Variants in NTM observed in about 807,000 individuals in gnomAD.
The protein encoded by NTM is IgLON family member 2.
Under a neutral mutation model 42.1 loss-of-function variants are expected in NTM, and 13 were observed. That is an observed-to-expected ratio of 0.31 (90% confidence interval 0.20 to 0.49). The LOEUF is 0.49. Ranked by LOEUF, NTM falls within the 20% of genes least tolerant of loss-of-function variation. The pLI is 0.99. For missense variants in NTM, 373 were observed against 452.8 expected, an observed-to-expected ratio of 0.82 and a Z score of 1.60; for synonymous variants, 187 against 179.2, an observed-to-expected ratio of 1.04 and a Z score of -0.35.
At position 132,138,851 on chromosome 11, in the gene NTM, C is replaced by T. The variant is rs563888914; in HGVS notation, c.168-7431C>T. On this transcript the variant is annotated intron_variant, in intron 2 of 8. Transcript: ENST00000683400. ...GGGAGGGTGGGTCTTATTTATGAAG[C>T]CTGCTGATCATCTCTTCTAGAAACA... 2.2e-3 allele frequency among the ~76,000 whole-genome samples: 341 copies of T among 152,246 alleles called. 1 individual carries two copies. Among genetic ancestry groups the T allele is most frequent in the African/African-American group, 7.9e-3 (330 of 41,536 alleles).
chr11:132,227,506 G>T (rs2086563254), intron 4 of NTM, among the ~76,000 whole-genome samples: 1 of 152,054 alleles, frequency 6.6e-6, no homozygotes, highest in South Asian at 2.1e-4. Context: ...TTCCTCTAAA[G>T]TCCAATCTGC....
At chr11:131,976,131 CCTTCCTTCCTTCCTTCCTTCCTTCCTTT>C (rs2064323717) in intron 2 of NTM, among the ~76,000 whole-genome samples, 1 of 139,228 alleles carries the variant, frequency 7.2e-6, no homozygotes, top group African/African-American at 2.6e-5. Flanking sequence ...TTCCTTCCTT[CCTTCCTTCCTTCCTTCCTTCCTTCCTTT>C]CTTCCTTCCT....
At chr11:131,664,205 T>C (rs576279389) in intron 1 of NTM, among the ~76,000 whole-genome samples, 6 of 152,354 alleles carry the variant, frequency 3.9e-5, no homozygotes, top group African/African-American at 1.4e-4. Context: ...ATTTGCTGTG[T>C]GCCCTTGGGC....
intron 1 of NTM, among the ~76,000 whole-genome samples, chr11:131,509,574 CAT>C (rs2047973082): frequency 6.6e-6 from 1 of 152,200 alleles, no homozygotes; most frequent in South Asian, 2.1e-4. Context: ...GACAGGAAGA[CAT>C]AGAAGACCCA....
chr11:131,888,604 G>T (rs521152), intron 1 of NTM, among the ~76,000 whole-genome samples: 1 of 151,926 alleles, frequency 6.6e-6, no homozygotes, highest in Admixed American at 6.6e-5. Flanking sequence ...CTTCCTTGTC[G>T]CAGATGTAAA....
At chr11:132,299,137 T>TAC (rs1555078941) in intron 4 of NTM, among the ~76,000 whole-genome samples, 2 of 137,000 alleles carry the variant, frequency 1.5e-5, no homozygotes, top group Non-Finnish European at 3.2e-5. Flanking sequence ...CTACTGAAAA[T>TAC]AAAAAAAATT....
chr11:132,303,935 T>C (rs978928649), intron 4 of NTM, among the ~76,000 whole-genome samples: 5 of 152,136 alleles, frequency 3.3e-5, no homozygotes, highest in Admixed American at 3.3e-4. Context: ...GGTAACGTTA[T>C]TCTGATTGTG....
intron 1 of NTM, among the ~76,000 whole-genome samples, chr11:131,871,254 G>A (rs889134462): frequency 2.0e-5 from 3 of 152,164 alleles, no homozygotes; most frequent in Non-Finnish European, 2.9e-5. Flanking sequence ...GTGCTCAGTC[G>A]CCCAGCCCAG....
intron 4 of NTM, among the ~76,000 whole-genome samples, chr11:132,285,637 C>A (rs562085998): frequency 4.6e-5 from 7 of 152,292 alleles, no homozygotes; most frequent in East Asian, 3.9e-4. Context: ...ATATTCACAG[C>A]GGTTCCCCAG....
intron 1 of NTM, among the ~76,000 whole-genome samples, chr11:131,419,377 C>T (rs997146264): frequency 1.1e-4 from 17 of 152,178 alleles, no homozygotes; most frequent in African/African-American, 3.6e-4. Context: ...GATGAAATAA[C>T]GGAGAATAAG....
At chr11:132,155,454 C>T (rs1330488261) in intron 3 of NTM, among the ~76,000 whole-genome samples, 1 of 152,148 alleles carries the variant, frequency 6.6e-6, no homozygotes, top group Non-Finnish European at 1.5e-5. Flanking sequence ...GGAATGCACA[C>T]ATGTCCTGCC....
At position 131,911,353 on chromosome 11, in the gene NTM, G is replaced by A. The variant is rs137904404; in HGVS notation, c.83-211G>A. ...GTCTGCGCGCTTTTCTCCTCCCCGC[G>A]CCTCCCGGTCGCCGCGGGTTCACCG... is the stretch of plus-strand genomic sequence containing the variant. On this transcript the variant is annotated intron_variant, in intron 1 of 8. Coordinates refer to ENST00000683400, the MANE Select transcript of NTM (RefSeq NM_001352005.2). 168 of 1,523,228 alleles carry A rather than the reference G, an allele frequency of 1.1e-4. No homozygotes were observed. In the East Asian group the frequency reaches 3.8e-3, roughly 35 times the overall value. The allele number at this position is 1,523,228 out of a possible 1,614,324, so 94.4% of individuals were successfully genotyped here. A position where few individuals can be genotyped will look rare whatever the true frequency, so the allele number is the denominator to read the frequency against.
chr11:131,839,188 C>T (rs1057453711), intron 1 of NTM, among the ~76,000 whole-genome samples: 3 of 152,094 alleles, frequency 2.0e-5, no homozygotes, highest in Non-Finnish European at 2.9e-5. Context: ...TCTCGAACTC[C>T]TGACCTCAGG....
chr11:131,730,446 G>A (rs1366735636), intron 1 of NTM, among the ~76,000 whole-genome samples: 1 of 152,090 alleles, frequency 6.6e-6, no homozygotes, highest in Admixed American at 6.6e-5. Flanking sequence ...CAGGTTCGGT[G>A]GCTCACATCT....
chr11:132,044,062 G>A (rs565080919), intron 2 of NTM, among the ~76,000 whole-genome samples: 3 of 99,440 alleles, frequency 3.0e-5, no homozygotes, highest in African/African-American at 8.1e-5. Context: ...GTGTGTATGT[G>A]TGTGTATGTG....
intron 3 of NTM, among the ~76,000 whole-genome samples, chr11:132,181,262 C>G (rs192561458): frequency 6.6e-6 from 1 of 152,296 alleles, no homozygotes; most frequent in Non-Finnish European, 1.5e-5. Flanking sequence ...TACCTGTTGG[C>G]TTTCCTCTGG....
chr11:132,108,384 A>C (rs1338575607), intron 2 of NTM, among the ~76,000 whole-genome samples: 1 of 152,200 alleles, frequency 6.6e-6, no homozygotes, highest in Non-Finnish European at 1.5e-5. Flanking sequence ...CATTTGTAGC[A>C]ACCTGGATGG....
At chr11:131,711,900 C>G (rs1388109191) in intron 1 of NTM, among the ~76,000 whole-genome samples, 7 of 144,326 alleles carry the variant, frequency 4.9e-5, no homozygotes, top group Non-Finnish European at 7.4e-5. Context: ...CCAAACACCG[C>G]ATGTTCTCAC....
intron 2 of NTM, among the ~76,000 whole-genome samples, chr11:132,063,311 C>A (rs2080967872): frequency 6.6e-6 from 1 of 152,088 alleles, no homozygotes; most frequent in African/African-American, 2.4e-5. Flanking sequence ...TAGCCTATGG[C>A]AGTAGGAATA....
Sources: gnomAD v4.1 joint callset for allele counts (sites outside exome capture counted in the v4.1 genomes callset) on GRCh38, gnomAD v4.1.1 for gene constraint, MANE v1.5 for transcripts, NCBI Gene and HGNC (gene_info 2026-07-23, HGNC 2026-07-21) for gene names.